Variants in ARHGEF10 observed in about 807,000 individuals in gnomAD.
ARHGEF10 encodes the protein Rho guanine nucleotide exchange factor (GEF) 10.
ARHGEF10 carries 140 observed loss-of-function variants against 147.4 expected under a neutral mutation model. The ratio of observed to expected loss-of-function variants is 0.95; its 90% CI spans 0.83 to 1.09. The LOEUF is 1.09. Ranked by LOEUF, ARHGEF10 falls within the 50% of genes least tolerant of loss-of-function variation. The pLI is 0.00. For synonymous variants in ARHGEF10, 902 were observed against 695.8 expected (o/e 1.30, Z -4.67); for missense variants, 2,222 against 1,752.7 (o/e 1.27, Z -4.78).
intron 2 of ARHGEF10, among the ~76,000 whole-genome samples, chr8:1,857,042 C>T (rs547328396): frequency 4.8e-4 from 73 of 152,308 alleles, no homozygotes; most frequent in African/African-American, 1.5e-3. Context: ...GCCGTAACCC[C>T]GGTCCAAGGA....
At position 1,865,930 on chromosome 8, in the gene ARHGEF10, C is replaced by T. The variant is rs551827191; in HGVS notation, c.546-596C>T. ...GTCAGCAGTGGTGCCTCTCATGGGG[C>T]GATGCTTGGTGTGTGCAGTGAGTCT... On this transcript the variant is annotated intron_variant, in intron 5 of 28. Coordinates refer to ENST00000349830, the MANE Select transcript of ARHGEF10 (RefSeq NM_014629.4). 1.2e-3 allele frequency among the ~76,000 whole-genome samples: 178 copies of T among 152,300 alleles called. 1 individual carries two copies. Among genetic ancestry groups the T allele is most frequent in the African/African-American group, 4.1e-3 (171 of 41,580 alleles).
intron 9 of ARHGEF10, among the ~76,000 whole-genome samples, chr8:1,882,119 G>C (rs1008607706): frequency 5.9e-5 from 9 of 152,180 alleles, no homozygotes; most frequent in African/African-American, 2.2e-4. Context: ...TGTCCCGTGC[G>C]TGTCTGCAGC....
At chr8:1,832,442 GCAGAGA>G (rs1422766267) in intron 1 of ARHGEF10, among the ~76,000 whole-genome samples, 9 of 121,312 alleles carry the variant, frequency 7.4e-5, no homozygotes, top group South Asian at 2.8e-4. Context: ...GCAGACAGAG[GCAGAGA>G]CAGAGACAGA....
chr8:1,876,812 C>A, intron 8 of ARHGEF10, 78 bp downstream of exon 8: 3 of 1,473,466 alleles, frequency 2.0e-6, no homozygotes, highest in Non-Finnish European at 2.8e-6. Flanking sequence ...GATTGTGATC[C>A]ACCTAGTACT....
chr8:1,893,014 C>T (rs554119018), intron 11 of ARHGEF10, among the ~76,000 whole-genome samples: 4 of 147,378 alleles, frequency 2.7e-5, no homozygotes, highest in Non-Finnish European at 4.4e-5. Context: ...TTTTTTTGCA[C>T]CTCTAAGTGA....
chr8:1,955,991 T>C (rs4876268), intron 28 of ARHGEF10, among the ~76,000 whole-genome samples: 54,084 of 152,134 alleles, frequency 0.36, 10,073 homozygotes, highest in East Asian at 0.55. Flanking sequence ...GTGATGTCAT[T>C]TGCCTTGGCC....
intron 6 of ARHGEF10, 145 bp downstream of exon 6, chr8:1,866,747 G>T: frequency 1.1e-6 from 1 of 877,150 alleles, no homozygotes; most frequent in South Asian, 1.4e-5. Flanking sequence ...AACATGGGCT[G>T]ACTGTGCAGA....
intron 17 of ARHGEF10, among the ~76,000 whole-genome samples, chr8:1,907,146 G>T (rs962125205): frequency 6.6e-6 from 1 of 152,220 alleles, no homozygotes; most frequent in African/African-American, 2.4e-5. Flanking sequence ...GCTTAGAATT[G>T]CGAGGATGCA....
intron 22 of ARHGEF10, 103 bp downstream of exon 22, chr8:1,925,507 C>A: frequency 1.3e-6 from 2 of 1,488,354 alleles, no homozygotes; most frequent in African/African-American, 2.8e-5. Context: ...GAACATGGTC[C>A]TCCCAGGTTC....
intron 14 of ARHGEF10, among the ~76,000 whole-genome samples, chr8:1,897,278 C>T (rs554325425): frequency 6.6e-5 from 10 of 152,240 alleles, no homozygotes; most frequent in Non-Finnish European, 1.3e-4. Context: ...TCCAGCACGG[C>T]GGCTCCTGCT....
Position 1,888,762 on chromosome 8 carries a change from T to G in ARHGEF10, c.1182+3055T>G, listed in dbSNP as rs141567513. ...TGAGGAGACACTGAATAGGGTGAGG[T>G]TTGTGAGGAGACACTGAGTGGGGTG... is the stretch of plus-strand genomic sequence containing the variant. On this transcript the variant is annotated intron_variant, in intron 11 of 28. Coordinates refer to ENST00000349830, the MANE Select transcript of ARHGEF10 (RefSeq NM_014629.4). Among the ~76,000 whole-genome samples, 46 of 27,900 alleles carry G rather than the reference T, an allele frequency of 1.6e-3. 5 individuals carry two copies. The highest frequency in any genetic ancestry group is 0.015 in the East Asian group (4 of 272). The allele number at this position is 27,900 out of a possible 152,430, so 18.3% of individuals were successfully genotyped here.
chr8:1,924,555 T>A (rs1187199223), intron 21 of ARHGEF10, among the ~76,000 whole-genome samples: 1 of 152,182 alleles, frequency 6.6e-6, no homozygotes, highest in Non-Finnish European at 1.5e-5. Flanking sequence ...ATGCAGAGCG[T>A]GGGTAACGCC....
chr8:1,830,224 G>A (rs75544732), intron 1 of ARHGEF10, among the ~76,000 whole-genome samples: 2,202 of 88,258 alleles, frequency 0.025, 87 homozygotes, highest in East Asian at 0.14. Flanking sequence ...ACTGCAATCC[G>A]CAGGCATGCG....
chr8:1,900,000 C>T (rs569944810), intron 15 of ARHGEF10, among the ~76,000 whole-genome samples: 12 of 152,360 alleles, frequency 7.9e-5, no homozygotes, highest in Non-Finnish European at 1.2e-4. Flanking sequence ...CTGGGTCGTT[C>T]TTGGTCGCCA....
At chr8:1,926,748 A>G in intron 23 of ARHGEF10, 1 of 459,172 alleles carries the variant, frequency 2.2e-6, no homozygotes, top group South Asian at 2.4e-5. Context: ...AATAATTTTA[A>G]TATGTTTTTC....
intron 22 of ARHGEF10, 115 bp from the exon 23 acceptor site, chr8:1,926,262 C>T (rs1348610999): frequency 1.2e-6 from 1 of 856,540 alleles, no homozygotes; most frequent in Non-Finnish European, 2.0e-6. Flanking sequence ...AGGTAATGAA[C>T]CTGTAATTTC....
At chr8:1,880,436 G>C (rs1482301105) in intron 9 of ARHGEF10, among the ~76,000 whole-genome samples, 1 of 152,212 alleles carries the variant, frequency 6.6e-6, no homozygotes. Flanking sequence ...CTACTAGAGA[G>C]GGGTTTCCAG....
chr8:1,879,661 G>T (rs935997551), intron 8 of ARHGEF10, among the ~76,000 whole-genome samples: 2 of 151,138 alleles, frequency 1.3e-5, no homozygotes, highest in Non-Finnish European at 2.9e-5. Context: ...CAAGCAATTC[G>T]CCCACCTCAG....
At chr8:1,940,328 CTT>C (rs1251998423) in intron 26 of ARHGEF10, among the ~76,000 whole-genome samples, 1 of 152,160 alleles carries the variant, frequency 6.6e-6, no homozygotes, top group Non-Finnish European at 1.5e-5. Flanking sequence ...ATGATGGAGA[CTT>C]GTGTGTGAAA....
Sources: gnomAD v4.1 joint callset for allele counts (sites outside exome capture counted in the v4.1 genomes callset) on GRCh38, gnomAD v4.1.1 for gene constraint, MANE v1.5 for transcripts, NCBI Gene and HGNC (gene_info 2026-07-23, HGNC 2026-07-21) for gene names.